TECRL: variants seen among roughly 807,000 people sequenced by gnomAD.
The protein encoded by TECRL is trans-2,3-enoyl-CoA reductase-like.
In TECRL, 63 loss-of-function variants were observed where a neutral mutation model predicts 52.8. The ratio of observed to expected loss-of-function variants is 1.19; its 90% CI spans 0.97 to 1.47. The LOEUF is 1.47. TECRL is among the 40% of genes most tolerant of loss of function. The probability of loss-of-function intolerance (pLI) is 0.00; values close to 1 mark genes in which losing one functional copy is unlikely to be tolerated. For synonymous variants in TECRL, 164 were observed against 141.9 expected (o/e 1.16, Z -1.10); for missense variants, 482 against 429.6 (o/e 1.12, Z -1.08).
rs557398018 is a variant in TECRL at position 64,379,331 on chromosome 4, A to ATATT, written c.235-4112_235-4109dup. ...AGAGGTGCCAACCCACCATGTAGTC[A>ATATT]TATTTTAAAACAATTTTTATTGATA... On this transcript the variant is annotated intron_variant, in intron 1 of 11. Transcript: ENST00000381210. 6.1e-3 allele frequency among the ~76,000 whole-genome samples: 921 copies of ATATT among 151,804 alleles called. 3 individuals carry two copies. Among genetic ancestry groups the ATATT allele is most frequent in the African/African-American group, 0.021 (874 of 41,402 alleles).
chr4:64,356,019 G>T (rs1484176810), intron 2 of TECRL, among the ~76,000 whole-genome samples: 1 of 152,132 alleles, frequency 6.6e-6, no homozygotes, highest in Middle Eastern at 3.4e-3. Context: ...CCAACCTTGA[G>T]CTCACAAAAA....
chr4:64,292,683 A>G (rs1723457029), intron 8 of TECRL, among the ~76,000 whole-genome samples: 1 of 152,156 alleles, frequency 6.6e-6, no homozygotes, highest in South Asian at 2.1e-4. Flanking sequence ...ACACTCACAG[A>G]ACTATAAGCA....
chr4:64,284,905 T>C (rs1187847538), intron 9 of TECRL, among the ~76,000 whole-genome samples: 2 of 152,076 alleles, frequency 1.3e-5, no homozygotes, highest in African/African-American at 2.4e-5. Flanking sequence ...GAGGGAAGAA[T>C]AGTCTGGGAG....
chr4:64,302,159 T>C (rs1319699960), intron 7 of TECRL, among the ~76,000 whole-genome samples: 1 of 151,454 alleles, frequency 6.6e-6, no homozygotes, highest in Non-Finnish European at 1.5e-5. Context: ...TGTATTTAAC[T>C]ATTATTCAAG....
intron 1 of TECRL, among the ~76,000 whole-genome samples, chr4:64,390,593 C>T (rs1723484391): frequency 6.6e-6 from 1 of 151,892 alleles, no homozygotes; most frequent in African/African-American, 2.4e-5. Context: ...TATAAGTGAG[C>T]ATTAGACTTT....
intron 7 of TECRL, among the ~76,000 whole-genome samples, chr4:64,302,125 T>C (rs1724057542): frequency 6.6e-6 from 1 of 151,328 alleles, no homozygotes; most frequent in Non-Finnish European, 1.5e-5. Context: ...AGTTTTACAA[T>C]TTTGATAATC....
At chr4:64,303,375 T>C (rs1724132336) in intron 7 of TECRL, among the ~76,000 whole-genome samples, 1 of 151,662 alleles carries the variant, frequency 6.6e-6, no homozygotes, top group Non-Finnish European at 1.5e-5. Flanking sequence ...CTCTACTACC[T>C]GGATCAAAAC....
At chr4:64,340,658 G>A (rs1719503993) in intron 2 of TECRL, among the ~76,000 whole-genome samples, 1 of 152,200 alleles carries the variant, frequency 6.6e-6, no homozygotes, top group Non-Finnish European at 1.5e-5. Flanking sequence ...GGCATGAACA[G>A]CCTGGGCACC....
At position 64,382,185 on chromosome 4, in the gene TECRL, A is replaced by G. The variant is rs186119927; in HGVS notation, c.235-6962T>C. ...AGTAGGTTGTGTACGTCCAGAGGAAATTTCTGTATATATATATATATATAT... is the reference window on the plus strand; with the variant it reads ...AGTAGGTTGTGTACGTCCAGAGGAAGTTTCTGTATATATATATATATATAT... On this transcript the variant is annotated intron_variant, in intron 1 of 11. Transcript: ENST00000381210. Among the ~76,000 whole-genome samples the G allele has an allele frequency of 1.9e-3, 238 of 127,998 alleles. 3 individuals are homozygous for G. The highest frequency in any genetic ancestry group is 2.2e-3 in the Non-Finnish European group (139 of 63,482). 84.0% of individuals were successfully genotyped at this position (127,998 alleles called of 152,430 possible).
chr4:64,373,501 CT>C, intron 2 of TECRL, among the ~76,000 whole-genome samples: 1 of 151,728 alleles, frequency 6.6e-6, no homozygotes, highest in African/African-American at 2.4e-5. Context: ...AAACGCGTTC[CT>C]TTAAAAGTTT....
At chr4:64,322,937 A>G in intron 3 of TECRL, 145 bp from the exon 4 acceptor site, 1 of 636,628 alleles carries the variant, frequency 1.6e-6, no homozygotes, top group Non-Finnish European at 2.6e-6. Context: ...AAGTAAAACA[A>G]AATGTGAACA....
chr4:64,288,149 TAAA>T (rs377628980), intron 9 of TECRL, among the ~76,000 whole-genome samples: 3 of 135,660 alleles, frequency 2.2e-5, no homozygotes, highest in Admixed American at 7.5e-5. Flanking sequence ...GACTCCATCT[TAAA>T]AAAAAAAAAA....
intron 2 of TECRL, among the ~76,000 whole-genome samples, chr4:64,362,472 TTGAA>T (rs1160991861): frequency 6.6e-6 from 1 of 151,810 alleles, no homozygotes; most frequent in Non-Finnish European, 1.5e-5. Context: ...GCAGGTCACA[TTGAA>T]AGATAACCCC....
At chr4:64,348,549 A>C (rs1720154411) in intron 2 of TECRL, among the ~76,000 whole-genome samples, 1 of 152,186 alleles carries the variant, frequency 6.6e-6, no homozygotes. Context: ...CATCTAATGC[A>C]GCAGGAATTC....
downstream of TECRL, chr4:64,277,200 GA>G (rs35258976): frequency 3.0e-4 from 138 of 467,234 alleles, 1 homozygote; most frequent in Non-Finnish European, 3.9e-4. Flanking sequence ...AGTATAATGG[GA>G]AAAAAAATGT....
At chr4:64,360,067 A>T (rs1481071120) in intron 2 of TECRL, among the ~76,000 whole-genome samples, 2 of 152,152 alleles carry the variant, frequency 1.3e-5, no homozygotes, top group African/African-American at 4.8e-5. Flanking sequence ...AAAACAGAAA[A>T]CGAGAAATCG....
chr4:64,372,878 G>T (rs1444706321), intron 2 of TECRL, among the ~76,000 whole-genome samples: 1 of 151,580 alleles, frequency 6.6e-6, no homozygotes, highest in Admixed American at 6.6e-5. Flanking sequence ...ATGTGGCTTT[G>T]TAAGTATATG....
chr4:64,375,547 T>A (rs952075588), intron 1 of TECRL, among the ~76,000 whole-genome samples: 3 of 151,906 alleles, frequency 2.0e-5, no homozygotes, highest in Admixed American at 6.6e-5. Context: ...AAACTATCAA[T>A]TAAAAATATG....
At chr4:64,406,159 C>CGTGT (rs1282591396) in intron 1 of TECRL, among the ~76,000 whole-genome samples, 15 of 150,134 alleles carry the variant, frequency 1.0e-4, no homozygotes, top group South Asian at 4.2e-4. Context: ...CGCGCGCGCG[C>CGTGT]GCGCGCGTGT....
Sources: allele counts gnomAD v4.1 joint callset (sites outside exome capture counted in the v4.1 genomes callset), GRCh38; gene constraint gnomAD v4.1.1; transcripts MANE v1.5; gene names NCBI Gene and HGNC (gene_info 2026-07-23, HGNC 2026-07-21).